The following LYPD6B variants were observed in gnomAD, a reference collection of about 807,000 sequenced individuals.
LYPD6B encodes ly6/PLAUR domain-containing protein 6B.
A neutral mutation model predicts 22.8 loss-of-function variants in LYPD6B; 17 were observed. That is an observed-to-expected ratio of 0.75 (90% CI 0.51 to 1.12). The LOEUF is 1.12. Ranked by LOEUF, LYPD6B falls within the 50% of genes most tolerant of loss-of-function variation. The probability of loss-of-function intolerance (pLI) is 0.00; values close to 1 mark genes in which losing one functional copy is unlikely to be tolerated. For synonymous variants in LYPD6B, 106 were observed against 91.6 expected (o/e 1.16, Z -0.90); for missense variants, 221 against 258.3 (o/e 0.86, Z 0.99).
intron 1 of LYPD6B, among the ~76,000 whole-genome samples, chr2:149,046,193 G>A (rs1255345872): frequency 1.3e-5 from 2 of 152,140 alleles, no homozygotes; most frequent in African/African-American, 2.4e-5. Flanking sequence ...TGCTTTGGGT[G>A]TTAATAATAC....
At position 149,135,249 on chromosome 2, in the gene LYPD6B, T is replaced by TAAAA. The variant is rs36032140; in HGVS notation, c.5+4310_5+4313dup. 5.2e-3 allele frequency among the ~76,000 whole-genome samples: 711 copies of TAAAA among 136,804 alleles called. 7 individuals are homozygous for TAAAA. The highest frequency in any genetic ancestry group is 0.011 in the East Asian group (51 of 4,632). 89.7% of individuals were successfully genotyped at this position (136,804 alleles called of 152,430 possible). On this transcript the variant is annotated intron_variant, in intron 2 of 6. Coordinates refer to ENST00000409642, the MANE Select transcript of LYPD6B (RefSeq NM_177964.5). ...GACAGAGCAAGACTCTGTCTCAAAT[T>TAAAA]AAAAAAAAAAAAAAAAATAGATTAC...
In LYPD6B at chr2:149,080,875, A is replaced by C. The variant is rs529296029; in HGVS notation, c.-67+42074A>C. ...AAAAAAAAAAAAAAAAAACCACACA[A>C]AAAAATTCAGTATATTAGGCAATGC... On this transcript the variant is annotated intron_variant, in intron 1 of 6. Transcript: ENST00000409642. 1.4e-3 allele frequency among the ~76,000 whole-genome samples: 218 copies of C among 150,518 alleles called. 4 individuals carry two copies. Among genetic ancestry groups the C allele is most frequent in the African/African-American group, 4.9e-3 (201 of 40,956 alleles).
intron 3 of LYPD6B, among the ~76,000 whole-genome samples, chr2:149,161,952 T>A (rs1033206480): frequency 3.9e-5 from 6 of 152,190 alleles, no homozygotes; most frequent in Non-Finnish European, 5.9e-5. Context: ...TTATATATTA[T>A]CATCACTCTT....
chr2:149,202,993 T>C (rs1464030603), intron 3 of LYPD6B, among the ~76,000 whole-genome samples: 1 of 152,234 alleles, frequency 6.6e-6, no homozygotes, highest in Non-Finnish European at 1.5e-5. Context: ...ATAGCAGTTT[T>C]GGATACAGGT....
At chr2:149,139,974 C>G (rs1030334746) in intron 2 of LYPD6B, among the ~76,000 whole-genome samples, 1 of 152,168 alleles carries the variant, frequency 6.6e-6, no homozygotes, top group African/African-American at 2.4e-5. Context: ...AGAAGACTCA[C>G]CTCTTTTTAA....
intron 1 of LYPD6B, among the ~76,000 whole-genome samples, chr2:149,083,065 A>G (rs1270151745): frequency 1.3e-5 from 2 of 152,176 alleles, no homozygotes; most frequent in Non-Finnish European, 2.9e-5. Context: ...TCTCCAGGCT[A>G]AAGTCTGGAG....
rs375420766 is a variant in LYPD6B at position 149,102,831 on chromosome 2, C to T, written c.-66-28052C>T. On this transcript the variant is annotated intron_variant, in intron 1 of 6. Transcript: ENST00000409642. ...TTGTTTTGTAGAGACAGGGTTTTGC[C>T]ATGTTGGCCAGGCTGGTCTCAAACT... is the stretch of plus-strand genomic sequence containing the variant. Among the ~76,000 whole-genome samples, 393 of 152,224 alleles carry T rather than the reference C, an allele frequency of 2.6e-3. 3 individuals carry two copies. Among genetic ancestry groups the T allele is most frequent in the African/African-American group, 9.3e-3 (385 of 41,530 alleles).
intron 1 of LYPD6B, among the ~76,000 whole-genome samples, chr2:149,052,248 G>A (rs1282488765): frequency 1.3e-5 from 2 of 151,942 alleles, no homozygotes; most frequent in Non-Finnish European, 2.9e-5. Flanking sequence ...GTAGAGATAG[G>A]GGTTCACCAT....
intron 3 of LYPD6B, among the ~76,000 whole-genome samples, chr2:149,165,515 A>G (rs1307072797): frequency 2.6e-5 from 4 of 152,204 alleles, no homozygotes; most frequent in African/African-American, 9.6e-5. Flanking sequence ...TGTACCTAAG[A>G]ATATAATAAA....
chr2:149,209,356 G>C (rs1693701159), intron 5 of LYPD6B, among the ~76,000 whole-genome samples: 1 of 152,108 alleles, frequency 6.6e-6, no homozygotes. Flanking sequence ...TAGGAGCAGA[G>C]GAGGTGGGGA....
intron 1 of LYPD6B, among the ~76,000 whole-genome samples, chr2:149,049,017 T>C (rs1683431749): frequency 6.6e-6 from 1 of 152,210 alleles, no homozygotes. Flanking sequence ...TTCATCTGCA[T>C]TGAAAGCTCC....
intron 1 of LYPD6B, among the ~76,000 whole-genome samples, chr2:149,062,176 G>A (rs550730123): frequency 2.6e-5 from 4 of 152,008 alleles, no homozygotes; most frequent in South Asian, 2.1e-4. Flanking sequence ...TAGTAGAGAC[G>A]GGGTTTCTCC....
Position 149,093,885 on chromosome 2 carries a change from G to A in LYPD6B, c.-66-36998G>A, listed in dbSNP as rs74981062. ...CTTCTACCAGTTTGGTGATGCATTC[G>A]CTTCTTCATCTGTAATTCTTATTAA... On this transcript the variant is annotated intron_variant, in intron 1 of 6. Transcript: ENST00000409642. 4.6e-3 allele frequency among the ~76,000 whole-genome samples: 697 copies of A among 152,026 alleles called. 7 individuals are homozygous for A. Among genetic ancestry groups the A allele is most frequent in the African/African-American group, 0.016 (666 of 41,458 alleles).
intron 2 of LYPD6B, 65 bp downstream of exon 2, chr2:149,131,018 C>T (rs750767525): frequency 4.4e-5 from 50 of 1,146,486 alleles, no homozygotes; most frequent in Non-Finnish European, 6.2e-5. Context: ...ATGCTTACCA[C>T]ATGAGCTACT....
In LYPD6B at chr2:149,050,802, A is replaced by T. The variant is rs1433271696; in HGVS notation, c.-67+12001A>T. 2.0e-5 allele frequency among the ~76,000 whole-genome samples: 3 copies of T among 152,220 alleles called. No individual in the cohort carries two copies. The East Asian group carries it at 5.8e-4, about 29-fold the overall frequency. On this transcript the variant is annotated intron_variant, in intron 1 of 6. Transcript: ENST00000409642. The stretch of plus-strand genomic sequence containing the variant: ...TTGCCTTGGCACCCAGGAAGCCCGG[A>T]GCTACAGTTGTAGTGATAATTTTAT...
At chr2:149,049,372 C>T (rs1315983887) in intron 1 of LYPD6B, among the ~76,000 whole-genome samples, 1 of 152,226 alleles carries the variant, frequency 6.6e-6, no homozygotes, top group East Asian at 1.9e-4. Context: ...CACACACACA[C>T]ATGCTCTCAT....
intron 1 of LYPD6B, among the ~76,000 whole-genome samples, chr2:149,070,152 A>G (rs1684530083): frequency 6.6e-6 from 1 of 152,104 alleles, no homozygotes; most frequent in Non-Finnish European, 1.5e-5. Context: ...CATGTCTCCC[A>G]GTGAGCACCA....
At chr2:149,156,770 A>G (rs1291193937) in intron 2 of LYPD6B, among the ~76,000 whole-genome samples, 1 of 152,154 alleles carries the variant, frequency 6.6e-6, no homozygotes, top group African/African-American at 2.4e-5. Context: ...TCAACATATG[A>G]ATCTGGTGTG....
At chr2:149,190,243 G>A (rs1692402554) in intron 3 of LYPD6B, among the ~76,000 whole-genome samples, 1 of 152,000 alleles carries the variant, frequency 6.6e-6, no homozygotes, top group Non-Finnish European at 1.5e-5. Flanking sequence ...GGTAACATTG[G>A]TAACACAATA....
Sources: allele counts gnomAD v4.1 joint callset (sites outside exome capture counted in the v4.1 genomes callset), GRCh38; gene constraint gnomAD v4.1.1; transcripts MANE v1.5; gene names NCBI Gene and HGNC (gene_info 2026-07-23, HGNC 2026-07-21).